SMCHD1: variants seen among roughly 807,000 people sequenced by gnomAD.
SMCHD1 encodes the protein structural maintenance of chromosomes flexible hinge domain-containing protein 1.
A neutral mutation model predicts 254.7 loss-of-function variants in SMCHD1; 78 were observed. The ratio of observed to expected loss-of-function variants is 0.31; its 90% CI spans 0.26 to 0.37. SMCHD1 has a LOEUF of 0.37. SMCHD1 is among the 10% of genes least tolerant of loss of function. The pLI, the probability that SMCHD1 is intolerant of heterozygous loss-of-function variation, is 1.00. For missense variants in SMCHD1, 1,840 were observed against 2,408.1 expected, an observed-to-expected ratio of 0.76 and a Z score of 4.94; for synonymous variants, 766 against 794.9, an observed-to-expected ratio of 0.96 and a Z score of 0.61.
chr18:2,700,302 A>G (rs1049735227), intron 10 of SMCHD1, among the ~76,000 whole-genome samples: 2 of 152,224 alleles, frequency 1.3e-5, no homozygotes, highest in Admixed American at 6.5e-5. Flanking sequence ...AATAGGTTTT[A>G]AAGATGACAG....
chr18:2,791,142 A>G (rs756016975), intron 45 of SMCHD1, among the ~76,000 whole-genome samples: 2 of 152,226 alleles, frequency 1.3e-5, no homozygotes, highest in Non-Finnish European at 2.9e-5. Context: ...AAAGTCATAT[A>G]CAAGAACAAC....
At position 2,724,991 on chromosome 18, in the gene SMCHD1, G is replaced by A; in HGVS notation, c.2696G>A (p.Gly899Asp). 1 of 1,558,144 alleles carries A rather than the reference G, an allele frequency of 6.4e-7. No individual in the cohort carries two copies. The highest frequency in any genetic ancestry group is 8.8e-7 in the Non-Finnish European group (1 of 1,141,352). Reference protein sequence around the residue: ...TAKGPVNSCQGKNYNLKVTLP... With the variant: ...TAKGPVNSCQDKNYNLKVTLP... ...AAGGGCCCTGTAAACTCTTGTCAAGGCAAGGTAAGCATTATGTATAGATCC... is the reference window on the plus strand; with the variant it reads ...AAGGGCCCTGTAAACTCTTGTCAAGACAAGGTAAGCATTATGTATAGATCC... The change falls in exon 21 of 48, where the codon GGC (glycine) becomes GAC (aspartate). Residue 899 changes from glycine (G) to aspartate (D), a missense_variant. Physicochemically the swap from Gly to Asp is moderately conservative, Grantham distance 94 (BLOSUM62 -1). This residue lies in a region of SMCHD1 where 881 missense variants were observed against 1,009.5 expected (regional missense o/e 0.87). Coordinates refer to ENST00000320876, the MANE Select transcript of SMCHD1 (RefSeq NM_015295.3).
At chr18:2,726,577 G>T in intron 22 of SMCHD1, 53 bp downstream of exon 22, 1 of 900,916 alleles carries the variant, frequency 1.1e-6, no homozygotes. Flanking sequence ...TTATGTTAAA[G>T]TATAATGATA....
chr18:2,728,441 T>C lies in SMCHD1; in HGVS notation c.2774-16T>C, dbSNP rs1005323120. ...TGAAACCTGAATATGTATTTCATTG[T>C]ATAATTTACTGTTAGGTCACCCTCG... On this transcript the variant is annotated splice_polypyrimidine_tract_variant and intron_variant, in intron 22 of 47. Transcript: ENST00000320876. 23 of 1,610,666 alleles carry C rather than the reference T, an allele frequency of 1.4e-5. No individual in the cohort carries two copies. The highest frequency in any genetic ancestry group is 1.1e-4 in the African/African-American group (8 of 74,804).
chr18:2,748,433 C>A (rs1354841727), intron 30 of SMCHD1, among the ~76,000 whole-genome samples: 1 of 2 alleles, frequency 0.5, no homozygotes, highest in Non-Finnish European at 0.5. Context: ...CGCTGCAACG[C>A]CCCAGGCTGG....
intron 17 of SMCHD1, among the ~76,000 whole-genome samples, chr18:2,712,211 G>A (rs2074693671): frequency 6.7e-6 from 1 of 148,424 alleles, no homozygotes; most frequent in South Asian, 2.2e-4. Flanking sequence ...AAGGGATTTT[G>A]GTCTGTAGTT....
rs1290104689 is a variant in SMCHD1, at chr18:2,801,990, A to G, written c.5994-538A>G. ...ATAAAGATTAAAAATTAGTTCTGTT[A>G]AAAATATGTATCATCTTCTATTTGG... is the stretch of plus-strand genomic sequence containing the variant. On this transcript the variant is annotated intron_variant, in intron 47 of 47. Coordinates refer to ENST00000320876, the MANE Select transcript of SMCHD1 (RefSeq NM_015295.3). 2.9e-5 allele frequency among the ~76,000 whole-genome samples: 4 copies of G among 139,356 alleles called. No individual in the cohort carries two copies. In the East Asian group the frequency reaches 7.2e-4, roughly 25 times the overall value. The allele number at this position is 139,356 out of a possible 152,430, so 91.4% of individuals were successfully genotyped here.
chr18:2,777,025 T>G (rs1194575480), intron 42 of SMCHD1, among the ~76,000 whole-genome samples: 1 of 151,052 alleles, frequency 6.6e-6, no homozygotes, highest in Non-Finnish European at 1.5e-5. Context: ...TCCCTCAACC[T>G]CGCAAGTAAC....
rs1353340953 is a variant in SMCHD1 at position 2,726,789 on chromosome 18, A to G, written c.2773+265A>G. 13 of 188,846 alleles carry G rather than the reference A, an allele frequency of 6.9e-5. 1 individual carries two copies. The East Asian group carries it at 9.5e-4, about 14-fold the overall frequency. 11.7% of individuals were successfully genotyped at this position (188,846 alleles called of 1,614,324 possible). A position where few individuals can be genotyped will look rare whatever the true frequency, so the allele number is the denominator to read the frequency against. On this transcript the variant is annotated intron_variant, in intron 22 of 47. Transcript: ENST00000320876. ...GGGAACTGTTTCTTGGAATATGTCT[A>G]TTAGGCTTTATTAGAGATGGGTCTG...
Position 2,718,277 on chromosome 18 carries a change from T to C in SMCHD1, c.2339-38T>C. On this transcript the variant is annotated intron_variant, in intron 18 of 47. Coordinates refer to ENST00000320876, the MANE Select transcript of SMCHD1 (RefSeq NM_015295.3). This position sits in a 1 kb window ranked among gnomAD's most constrained non-coding sequence, Gnocchi z 4.6. ...AATGTTAAAAAATACATTGGTATTG[T>C]GTTGACTTGATTTTTAATTTCTTCT... The C allele has an allele frequency of 1.2e-6, 2 of 1,609,076 alleles. No individual in the cohort carries two copies. The highest frequency in any genetic ancestry group is 1.7e-6 in the Non-Finnish European group (2 of 1,177,460).
At chr18:2,707,752 C>A in intron 16 of SMCHD1, 55 bp from the exon 17 acceptor site, 1 of 1,509,520 alleles carries the variant, frequency 6.6e-7, no homozygotes, top group Non-Finnish European at 9.1e-7. Flanking sequence ...GAAGATTTGG[C>A]AGATTCAGCA....
At position 2,718,507 on chromosome 18, in the gene SMCHD1, A is replaced by G; in HGVS notation, c.2458+73A>G. 7.7e-7 allele frequency: 1 copy of G among 1,297,652 alleles called. No homozygotes were observed. The highest frequency in any genetic ancestry group is 1.5e-5 in the South Asian group (1 of 67,334). The allele number at this position is 1,297,652 out of a possible 1,614,324, so 80.4% of individuals were successfully genotyped here. ...TAAATCCAAAGAGAAAAGAGAGATA[A>G]GCCATTAAAAGATGTTTGAACAATT... is the stretch of plus-strand genomic sequence containing the variant. On this transcript the variant is annotated intron_variant, in intron 19 of 47. Transcript: ENST00000320876. The surrounding 1 kb of genome is among the most constrained non-coding windows in gnomAD (Gnocchi z 4.6).
At chr18:2,772,416 T>A (rs201586927) in intron 41 of SMCHD1, 44 bp downstream of exon 41, 1 of 1,459,216 alleles carries the variant, frequency 6.9e-7, no homozygotes, top group Middle Eastern at 1.9e-4. Flanking sequence ...CATTTTATTA[T>A]CTTGTTTGTT....
intron 13 of SMCHD1, among the ~76,000 whole-genome samples, chr18:2,705,198 C>G (rs1200928021): frequency 2.6e-5 from 4 of 152,102 alleles, no homozygotes; most frequent in African/African-American, 9.7e-5. Flanking sequence ...GGGATAAACT[C>G]TTATAGTCCT....
intron 7 of SMCHD1, among the ~76,000 whole-genome samples, chr18:2,693,763 C>T (rs1479047332): frequency 1.3e-5 from 2 of 152,120 alleles, no homozygotes; most frequent in Non-Finnish European, 2.9e-5. Context: ...TCCCTAGTAG[C>T]TGGGTTTATA....
intron 25 of SMCHD1, among the ~76,000 whole-genome samples, chr18:2,735,340 A>C (rs1316838051): frequency 1.3e-5 from 2 of 152,304 alleles, no homozygotes; most frequent in African/African-American, 4.8e-5. Context: ...AATATTGAAC[A>C]GGCAAAAACC....
In SMCHD1 at chr18:2,726,377, A is replaced by G. The variant is rs528826967; in HGVS notation, c.2701-75A>G. 137 of 755,268 alleles carry G rather than the reference A, an allele frequency of 1.8e-4. No homozygotes were observed. In the African/African-American group the frequency reaches 2.4e-3, roughly 13 times the overall value. 46.8% of individuals were successfully genotyped at this position (755,268 alleles called of 1,614,324 possible). On this transcript the variant is annotated intron_variant, in intron 21 of 47. Coordinates refer to ENST00000320876, the MANE Select transcript of SMCHD1 (RefSeq NM_015295.3). ...GTATGAAAATAAAACCAAAATATAA[A>G]TCAGAATTGATGTGATAAACTACTT...
intron 41 of SMCHD1, among the ~76,000 whole-genome samples, chr18:2,773,337 T>C (rs1405752607): frequency 6.6e-6 from 1 of 152,232 alleles, no homozygotes; most frequent in Non-Finnish European, 1.5e-5. Context: ...GCTTCCACAT[T>C]TTAATAGTTC....
At chr18:2,744,014 T>C in intron 29 of SMCHD1, 86 bp downstream of exon 29, 1 of 1,206,778 alleles carries the variant, frequency 8.3e-7, no homozygotes, top group Non-Finnish European at 1.1e-6. Flanking sequence ...AATAGATATA[T>C]TTTGTTGCTG....
Sources: allele counts gnomAD v4.1 joint callset (sites outside exome capture counted in the v4.1 genomes callset), GRCh38; gene constraint gnomAD v4.1.1; regional missense constraint gnomAD v4.1.1; non-coding constraint Gnocchi (gnomAD v3.1); transcripts MANE v1.5; gene names NCBI Gene and HGNC (gene_info 2026-07-23, HGNC 2026-07-21).